Variants in PANK4 observed in about 807,000 individuals in gnomAD.
The protein encoded by PANK4 is pantothenate kinase 4 (inactive), also known as 4'-phosphopantetheine phosphatase.
In PANK4, 40 loss-of-function variants were observed where a neutral mutation model predicts 87.9. That is an observed-to-expected ratio of 0.46 (90% confidence interval 0.35 to 0.59). The LOEUF (loss-of-function observed/expected upper bound fraction) is 0.59, where lower values mean the gene tolerates loss of function less well. Among genes scored for constraint, PANK4 ranks in the 20% least tolerant of loss-of-function variants. The probability of loss-of-function intolerance (pLI) is 0.00; values close to 1 mark genes in which losing one functional copy is unlikely to be tolerated. For missense variants in PANK4, 926 were observed against 1,072.3 expected (o/e 0.86, Z 1.90); for synonymous variants, 524 against 467.4 (o/e 1.12, Z -1.56).
intron 9 of PANK4, among the ~76,000 whole-genome samples, chr1:2,516,384 C>T (rs374513627): frequency 3.3e-5 from 5 of 152,350 alleles, no homozygotes; most frequent in South Asian, 2.1e-4. Flanking sequence ...GGCGCGCTCA[C>T]GGGCCCTGCT....
chr1:2,513,294 G>A (rs1344199200), intron 12 of PANK4, among the ~76,000 whole-genome samples: 1 of 152,228 alleles, frequency 6.6e-6, no homozygotes, highest in African/African-American at 2.4e-5. Context: ...GGACAAGAGT[G>A]GAGGACACGG....
chr1:2,511,280 C>T (rs1643656129), intron 15 of PANK4, 58 bp downstream of exon 15: 2 of 1,278,038 alleles, frequency 1.6e-6, no homozygotes, highest in Non-Finnish European at 2.3e-6. Context: ...CTCCAGTGAC[C>T]ACCCCCCCGG....
chr1:2,520,305 T>C lies in PANK4; in HGVS notation c.699+17A>G, dbSNP rs1262124106. On this transcript the variant is annotated intron_variant, in intron 5 of 18. Coordinates refer to ENST00000378466, the MANE Select transcript of PANK4 (RefSeq NM_018216.4). This position sits in a 1 kb window ranked among gnomAD's most constrained non-coding sequence, Gnocchi z 6.2. The stretch of plus-strand genomic sequence containing the variant: ...TCTCCGCAGACCCCTGGAAGGTCTC[T>C]GGCAGCTGCCGCATACCTTCGTTTT... The C allele has an allele frequency of 3.1e-6, 5 of 1,608,982 alleles. No homozygotes were observed. Among genetic ancestry groups the C allele is most frequent in the South Asian group, 2.2e-5 (2 of 91,026 alleles).
In PANK4 at chr1:2,515,802, T is replaced by G; in HGVS notation, c.1219-85A>C. ...CACTCAGAAGCTTCCACTCTCTCTC[T>G]AAGAAGGGAGATGTACTGCCTTCTT... On this transcript the variant is annotated intron_variant, in intron 9 of 18. Transcript: ENST00000378466. The surrounding 1 kb of genome is among the most constrained non-coding windows in gnomAD (Gnocchi z 5.0). 9 of 1,309,512 alleles carry G rather than the reference T, an allele frequency of 6.9e-6. No individual in the cohort carries two copies. The highest frequency in any genetic ancestry group is 7.5e-6 in the Non-Finnish European group (7 of 934,722). The allele number at this position is 1,309,512 out of a possible 1,614,324, so 81.1% of individuals were successfully genotyped here.
chr1:2,518,023 C>A, intron 9 of PANK4, 141 bp downstream of exon 9: 1 of 554,814 alleles, frequency 1.8e-6, no homozygotes, highest in South Asian at 2.5e-5. Flanking sequence ...AGTTATACCC[C>A]AGGTCCATGG....
Position 2,510,131 on chromosome 1 carries a change from G to T in PANK4, c.1965C>A (p.Pro655=), listed in dbSNP as rs1409939064. The part of the protein sequence containing the change: ...TEVILACNSG[P]ALNDVTHSES... ...CGCTGTGGGTCACGTCGTTCAGGGCGGGGCCTGAGTTGCACGCCAGGATGA... is the reference window on the plus strand; with the variant it reads ...CGCTGTGGGTCACGTCGTTCAGGGCTGGGCCTGAGTTGCACGCCAGGATGA... Residue 655 remains proline, a synonymous_variant, in exon 17 of 19, where the codon CCC becomes CCA. Coordinates refer to ENST00000378466, the MANE Select transcript of PANK4 (RefSeq NM_018216.4). The surrounding 1 kb of genome is among the most constrained non-coding windows in gnomAD (Gnocchi z 4.9). 3 of 1,608,216 alleles carry T rather than the reference G, an allele frequency of 1.9e-6. No individual in the cohort carries two copies. The highest frequency in any genetic ancestry group is 1.1e-5 in the South Asian group (1 of 90,032).
At chr1:2,516,043 T>G in intron 9 of PANK4, 1 of 407,846 alleles carries the variant, frequency 2.5e-6, no homozygotes, top group Non-Finnish European at 4.5e-6. Flanking sequence ...ACCATCCCTA[T>G]AGTAACTCCC....
intron 12 of PANK4, among the ~76,000 whole-genome samples, 160 bp from the exon 13 acceptor site, chr1:2,513,199 G>A (rs1015597507): frequency 6.6e-6 from 1 of 152,258 alleles, no homozygotes; most frequent in Non-Finnish European, 1.5e-5. Context: ...CCGGGACAGT[G>A]GCCAGCGCAC....
intron 1 of PANK4, among the ~76,000 whole-genome samples, chr1:2,524,896 G>A (rs751160173): frequency 1.3e-5 from 2 of 152,154 alleles, no homozygotes; most frequent in African/African-American, 2.4e-5. Context: ...TGAGGCCTGC[G>A]GTAGACAATC....
chr1:2,513,963 G>T, intron 12 of PANK4, 39 bp downstream of exon 12: 2 of 1,436,640 alleles, frequency 1.4e-6, no homozygotes, highest in South Asian at 1.1e-5. Context: ...GCGGGACGGG[G>T]ACAAGAGCGA....
At position 2,510,664 on chromosome 1, in the gene PANK4, A is replaced by G. The variant is rs1376460557; in HGVS notation, c.1938+14T>C. The G allele has an allele frequency of 5.5e-6, 8 of 1,467,748 alleles. No individual in the cohort carries two copies. The African/African-American group carries it at 9.8e-5, about 18-fold the overall frequency. The allele number at this position is 1,467,748 out of a possible 1,614,324, so 90.9% of individuals were successfully genotyped here. A position where few individuals can be genotyped will look rare whatever the true frequency, so the allele number is the denominator to read the frequency against. Reference sequence around the variant, plus strand: ...GCCCAGGGGAAGGGCCCCACCCACCACCTCAACACTCACCTCTGTCCCTCT... The same window carrying G: ...GCCCAGGGGAAGGGCCCCACCCACCGCCTCAACACTCACCTCTGTCCCTCT... On this transcript the variant is annotated intron_variant, in intron 16 of 18. Transcript: ENST00000378466. The surrounding 1 kb of genome is among the most constrained non-coding windows in gnomAD (Gnocchi z 4.9).
chr1:2,521,622 T>A, intron 2 of PANK4, 96 bp downstream of exon 2: 1 of 986,806 alleles, frequency 1.0e-6, no homozygotes, highest in South Asian at 1.3e-5. Context: ...AAAGTCGAGG[T>A]CTGCAGCAGC....
At position 2,511,273 on chromosome 1, in the gene PANK4, C is replaced by T. The variant is rs1643656031; in HGVS notation, c.1833+65G>A. Reference sequence around the variant, plus strand: ...GAGGCAGCCCATGCCCACCTCCCTCCAGTGACCACCCCCCCGGGCCCCGCT... The same window carrying T: ...GAGGCAGCCCATGCCCACCTCCCTCTAGTGACCACCCCCCCGGGCCCCGCT... On this transcript the variant is annotated intron_variant, in intron 15 of 18. Transcript: ENST00000378466. The T allele has an allele frequency of 2.6e-6, 3 of 1,172,092 alleles. No homozygotes were observed. In the Admixed American group the frequency reaches 5.1e-5, roughly 20 times the overall value. The allele number at this position is 1,172,092 out of a possible 1,614,324, so 72.6% of individuals were successfully genotyped here.
Position 2,520,604 on chromosome 1 carries a change from AC to A in PANK4, c.606+118del, listed in dbSNP as rs1349094128. ...GAGGCTCTGAGCTCACAGCCTCGCC[AC>A]CCCCCTCCCGCCCACTGGGCCCCAT... On this transcript the variant is annotated intron_variant, in intron 4 of 18. Transcript: ENST00000378466. This position sits in a 1 kb window ranked among gnomAD's most constrained non-coding sequence, Gnocchi z 6.2. The A allele has an allele frequency of 1.7e-5, 18 of 1,046,564 alleles. No individual in the cohort carries two copies. The highest frequency in any genetic ancestry group is 1.2e-4 in the African/African-American group (7 of 56,226). The allele number at this position is 1,046,564 out of a possible 1,614,324, so 64.8% of individuals were successfully genotyped here. A position where few individuals can be genotyped will look rare whatever the true frequency, so the allele number is the denominator to read the frequency against.
At chr1:2,526,302 C>T in intron 1 of PANK4, 162 bp downstream of exon 1, 1 of 220,324 alleles carries the variant, frequency 4.5e-6, no homozygotes, top group Non-Finnish European at 7.7e-6. Flanking sequence ...GACTACAAGG[C>T]CCGTGAGGCT....
intron 2 of PANK4, 150 bp downstream of exon 2, chr1:2,521,568 G>C (rs775681841): frequency 6.5e-6 from 5 of 773,198 alleles, no homozygotes; most frequent in Middle Eastern, 4.6e-4. Flanking sequence ...GGGACACGGC[G>C]GAAGGCAGGG....
intron 1 of PANK4, among the ~76,000 whole-genome samples, chr1:2,522,663 CAA>C (rs1335067359): frequency 1.5e-5 from 2 of 137,184 alleles, no homozygotes; most frequent in East Asian, 2.2e-4. Flanking sequence ...GAAAAAGAAA[CAA>C]AATGTGACTT....
chr1:2,520,014 C>G lies in PANK4; in HGVS notation c.700-60G>C, dbSNP rs1369979460. On this transcript the variant is annotated intron_variant, in intron 5 of 18. Transcript: ENST00000378466. This position sits in a 1 kb window ranked among gnomAD's most constrained non-coding sequence, Gnocchi z 6.2. ...AGGAGCTGCTGGAATCCCCACGACC[C>G]CAGAAACCAAGCCCATGGCAGGAGG... 5 of 1,474,120 alleles carry G rather than the reference C, an allele frequency of 3.4e-6. No homozygotes were observed. The highest frequency in any genetic ancestry group is 2.8e-5 in the African/African-American group (2 of 71,004). The allele number at this position is 1,474,120 out of a possible 1,614,324, so 91.3% of individuals were successfully genotyped here. A position where few individuals can be genotyped will look rare whatever the true frequency, so the allele number is the denominator to read the frequency against.
chr1:2,519,834 T>G lies in PANK4; in HGVS notation c.820A>C (p.Ser274Arg). 1 of 1,580,124 alleles carries G rather than the reference T, an allele frequency of 6.3e-7. No individual in the cohort carries two copies. The highest frequency in any genetic ancestry group is 8.6e-7 in the Non-Finnish European group (1 of 1,163,966). ...GCGGTGGCCGACTTCCCGAAGCTGCTGGCGATGAGGTTCCCGCTCAGCCCG... is the reference window on the plus strand; with the variant it reads ...GCGGTGGCCGACTTCCCGAAGCTGCGGGCGATGAGGTTCCCGCTCAGCCCG... ...TLGLSGNLIA[S>R]SFGKSATADQ... The change falls in exon 6 of 19, where the codon AGC (serine) becomes CGC (arginine). Residue 274 changes from serine (S) to arginine (R), a missense_variant. Ser to Arg is a moderately radical substitution (Grantham distance 110). Coordinates refer to ENST00000378466, the MANE Select transcript of PANK4 (RefSeq NM_018216.4). The surrounding 1 kb of genome is among the most constrained non-coding windows in gnomAD (Gnocchi z 8.3).
Sources: gnomAD v4.1 joint callset for allele counts (sites outside exome capture counted in the v4.1 genomes callset) on GRCh38, gnomAD v4.1.1 for gene constraint, Gnocchi (gnomAD v3.1) non-coding constraint, MANE v1.5 for transcripts, NCBI Gene and HGNC (gene_info 2026-07-23, HGNC 2026-07-21) for gene names.